PCCA: variants seen among roughly 807,000 people sequenced by gnomAD.
PCCA encodes propionyl-CoA carboxylase alpha chain, mitochondrial.
A neutral mutation model predicts 101.3 loss-of-function variants in PCCA; 74 were observed. The ratio of observed to expected loss-of-function variants is 0.73; its 90% CI spans 0.61 to 0.89. PCCA has a LOEUF of 0.89. Ranked by LOEUF, PCCA falls within the 40% of genes least tolerant of loss-of-function variation. The probability of loss-of-function intolerance (pLI) is 0.00; values close to 1 mark genes in which losing one functional copy is unlikely to be tolerated. For missense variants in PCCA, 891 were observed against 907.0 expected, an observed-to-expected ratio of 0.98 and a Z score of 0.23; for synonymous variants, 294 against 313.6, an observed-to-expected ratio of 0.94 and a Z score of 0.66.
chr13:100,245,219 G>A (rs1008321713), intron 8 of PCCA, among the ~76,000 whole-genome samples: 6 of 152,164 alleles, frequency 3.9e-5, no homozygotes, highest in African/African-American at 1.4e-4. Flanking sequence ...ATTGATAGTA[G>A]AGTGTATTTC....
chr13:100,496,648 T>G (rs2085300305), intron 21 of PCCA, among the ~76,000 whole-genome samples: 2 of 152,198 alleles, frequency 1.3e-5, no homozygotes, highest in Non-Finnish European at 2.9e-5. Flanking sequence ...CTTTCCTTTT[T>G]CCATTTATCT....
intron 12 of PCCA, among the ~76,000 whole-genome samples, chr13:100,291,331 T>C (rs1161806674): frequency 4.6e-5 from 7 of 152,178 alleles, no homozygotes; most frequent in Non-Finnish European, 7.3e-5. Context: ...GCAAATACCA[T>C]GTTACTTTAT....
chr13:100,431,145 G>A (rs1189409230), intron 20 of PCCA, among the ~76,000 whole-genome samples: 1 of 152,066 alleles, frequency 6.6e-6, no homozygotes, highest in Admixed American at 6.6e-5. Context: ...TGACTGGTGG[G>A]TTTAGATGGC....
chr13:100,410,377 C>T (rs1020798691), intron 19 of PCCA, among the ~76,000 whole-genome samples: 7 of 151,946 alleles, frequency 4.6e-5, no homozygotes, highest in South Asian at 2.1e-4. Flanking sequence ...TGAGTAGCTG[C>T]GACTACAGGT....
At chr13:100,368,370 A>G in intron 18 of PCCA, 102 bp from the exon 19 acceptor site, 1 of 692,140 alleles carries the variant, frequency 1.4e-6, no homozygotes, top group Non-Finnish European at 2.6e-6. Flanking sequence ...AAATACATTC[A>G]ATGGCAGTTT....
intron 19 of PCCA, among the ~76,000 whole-genome samples, chr13:100,385,678 A>G (rs2076461650): frequency 6.6e-6 from 1 of 152,148 alleles, no homozygotes; most frequent in Non-Finnish European, 1.5e-5. Context: ...GCCGGAGTGC[A>G]GTGGCATGAT....
chr13:100,211,720 C>T (rs968333725), intron 7 of PCCA, among the ~76,000 whole-genome samples: 1 of 151,972 alleles, frequency 6.6e-6, no homozygotes, highest in Non-Finnish European at 1.5e-5. Context: ...CGTCAATTGC[C>T]ACCTTTTCTT....
In PCCA at chr13:100,262,715, T is replaced by C; in HGVS notation, c.717-14T>C. On this transcript the variant is annotated splice_polypyrimidine_tract_variant and intron_variant, in intron 9 of 23. Coordinates refer to ENST00000376285, the MANE Select transcript of PCCA (RefSeq NM_000282.4). ...CTCTCCCCCCCTCCTCCTTCTTCCT[T>C]CTTTTTTTCACAGGGATGGTTTTAG... 7.7e-7 allele frequency: 1 copy of C among 1,292,250 alleles called. No homozygotes were observed. Among genetic ancestry groups the C allele is most frequent in the Non-Finnish European group, 1.1e-6 (1 of 900,948 alleles). The allele number at this position is 1,292,250 out of a possible 1,614,324, so 80.0% of individuals were successfully genotyped here.
intron 21 of PCCA, among the ~76,000 whole-genome samples, chr13:100,449,723 CA>C (rs2152926053): frequency 6.6e-6 from 1 of 152,294 alleles, no homozygotes; most frequent in East Asian, 1.9e-4. Flanking sequence ...CTCCTGGCCT[CA>C]AGTGATCCAT....
chr13:100,305,685 T>C lies in PCCA; in HGVS notation c.1285-1507T>C, dbSNP rs182711641. 43 of 279,326 alleles carry C rather than the reference T, an allele frequency of 1.5e-4. No individual in the cohort carries two copies. In the Admixed American group the frequency reaches 1.8e-3, roughly 12 times the overall value. 17.3% of individuals were successfully genotyped at this position (279,326 alleles called of 1,614,324 possible). A position where few individuals can be genotyped will look rare whatever the true frequency, so the allele number is the denominator to read the frequency against. Reference sequence around the variant, plus strand: ...TACTAGTTGCCATTTTGGGGCTCTTTAATGTGGGGAAAAGGTAGATTGTGA... The same window carrying C: ...TACTAGTTGCCATTTTGGGGCTCTTCAATGTGGGGAAAAGGTAGATTGTGA... On this transcript the variant is annotated intron_variant, in intron 14 of 23. Coordinates refer to ENST00000376285, the MANE Select transcript of PCCA (RefSeq NM_000282.4).
intron 16 of PCCA, among the ~76,000 whole-genome samples, chr13:100,322,088 T>C (rs1284242746): frequency 6.6e-6 from 1 of 152,164 alleles, no homozygotes; most frequent in Non-Finnish European, 1.5e-5. Flanking sequence ...TTTATTTACC[T>C]CTCATGTAAC....
chr13:100,137,299 T>G (rs996589207), intron 4 of PCCA, among the ~76,000 whole-genome samples: 3 of 152,218 alleles, frequency 2.0e-5, no homozygotes, highest in African/African-American at 7.2e-5. Context: ...ATGTTTCATG[T>G]GCACTTGTAA....
chr13:100,360,277 C>G (rs190035598), intron 18 of PCCA, among the ~76,000 whole-genome samples: 1 of 152,064 alleles, frequency 6.6e-6, no homozygotes, highest in African/African-American at 2.4e-5. Flanking sequence ...CTTACTGCAT[C>G]CCTCCCATAA....
At chr13:100,347,550 A>G (rs537834946) in intron 18 of PCCA, among the ~76,000 whole-genome samples, 10 of 152,348 alleles carry the variant, frequency 6.6e-5, no homozygotes, top group African/African-American at 2.4e-4. Flanking sequence ...TAGTTTAAAC[A>G]CAACATTCCT....
chr13:100,163,397 T>C (rs1209181093), intron 6 of PCCA, among the ~76,000 whole-genome samples: 1 of 152,164 alleles, frequency 6.6e-6, no homozygotes, highest in Non-Finnish European at 1.5e-5. Flanking sequence ...CCTCTGAAGA[T>C]TGTGTTTTAT....
In PCCA at chr13:100,467,362, G is replaced by C. The variant is rs1049963937; in HGVS notation, c.1899+18057G>C. Among the ~76,000 whole-genome samples the C allele has an allele frequency of 2.0e-5, 3 of 152,172 alleles. No homozygotes were observed. In the East Asian group the frequency reaches 5.8e-4, roughly 29 times the overall value. ...CCTGAGCCAGTTACTCTTGTATAGC[G>C]GGGGAGGAGTGGGCACATTCTTTTT... On this transcript the variant is annotated intron_variant, in intron 21 of 23. Transcript: ENST00000376285.
intron 20 of PCCA, among the ~76,000 whole-genome samples, chr13:100,441,712 A>G (rs1278067262): frequency 6.6e-6 from 1 of 152,244 alleles, no homozygotes; most frequent in Non-Finnish European, 1.5e-5. Context: ...ATATTTTAAT[A>G]AGCGTGGATA....
rs746224861 is a variant in PCCA, at chr13:100,121,905, A to AG, written c.300+9845dup. 1.1e-4 allele frequency among the ~76,000 whole-genome samples: 17 copies of AG among 152,330 alleles called. No individual in the cohort carries two copies. The East Asian group carries it at 3.3e-3, about 29-fold the overall frequency. ...CTTCCAGAACAATGTTGAAGAGGTGAGAGGAGGCATCCTTGTCTTGTTCTT... is the reference window on the plus strand; with the variant it reads ...CTTCCAGAACAATGTTGAAGAGGTGAGGAGGAGGCATCCTTGTCTTGTTCTT... On this transcript the variant is annotated intron_variant, in intron 4 of 23. Transcript: ENST00000376285.
chr13:100,453,479 A>C (rs1429704534), intron 21 of PCCA, among the ~76,000 whole-genome samples: 5 of 75,806 alleles, frequency 6.6e-5, no homozygotes, highest in Non-Finnish European at 8.5e-5. Flanking sequence ...CTCTAGTTTA[A>C]AAAAAAAAAA....
Sources: gnomAD v4.1 joint callset for allele counts (sites outside exome capture counted in the v4.1 genomes callset) on GRCh38, gnomAD v4.1.1 for gene constraint, MANE v1.5 for transcripts, NCBI Gene and HGNC (gene_info 2026-07-23, HGNC 2026-07-21) for gene names.